The following CACNA1D variants were observed in gnomAD, a reference collection of about 807,000 sequenced individuals.
CACNA1D encodes calcium voltage-gated channel subunit alpha1 D, also known as voltage-dependent L-type calcium channel subunit alpha-1D.
In CACNA1D, 55 loss-of-function variants were observed where a neutral mutation model predicts 257.1. That is an observed-to-expected ratio of 0.21 (90% confidence interval 0.17 to 0.27). The LOEUF (loss-of-function observed/expected upper bound fraction) is 0.27. Among genes scored for constraint, CACNA1D ranks in the 10% least tolerant of loss-of-function variants. The pLI, the probability that CACNA1D is intolerant of heterozygous loss-of-function variation, is 1.00. For missense variants in CACNA1D, 1,876 were observed against 2,784.0 expected (o/e 0.67, Z 7.34); for synonymous variants, 980 against 1,014.9 (o/e 0.97, Z 0.65).
chr3:53,599,198 T>G (rs1381664859), intron 3 of CACNA1D, among the ~76,000 whole-genome samples: 1 of 152,246 alleles, frequency 6.6e-6, no homozygotes, highest in Non-Finnish European at 1.5e-5. Context: ...TAAAACATGT[T>G]AATTTTGAAA....
At chr3:53,646,810 G>A (rs2094025925) in intron 3 of CACNA1D, among the ~76,000 whole-genome samples, 1 of 152,190 alleles carries the variant, frequency 6.6e-6, no homozygotes, top group Non-Finnish European at 1.5e-5. Context: ...GCAGGTGCTC[G>A]GGGATAGATG....
intron 8 of CACNA1D, among the ~76,000 whole-genome samples, chr3:53,690,883 G>T (rs564529037): frequency 6.6e-6 from 1 of 152,244 alleles, no homozygotes; most frequent in Admixed American, 6.5e-5. Flanking sequence ...TGCGGTTGCT[G>T]GTGCCTTCAA....
chr3:53,712,213 T>A (rs2094765283), intron 9 of CACNA1D, among the ~76,000 whole-genome samples: 1 of 152,232 alleles, frequency 6.6e-6, no homozygotes, highest in Non-Finnish European at 1.5e-5. Context: ...CTTTCTGAGA[T>A]CTGCAGGGAG....
chr3:53,718,576 CCCCCCG>C (rs1371432648), intron 10 of CACNA1D, 188 bp downstream of exon 10: 3 of 650,706 alleles, frequency 4.6e-6, no homozygotes, highest in African/African-American at 3.9e-5. Context: ...CACCTCCCCA[CCCCCCG>C]CCCCCCCGCC....
Position 53,621,367 on chromosome 3 carries a change from A to G in CACNA1D, c.484-29412A>G, listed in dbSNP as rs1326757739. Among the ~76,000 whole-genome samples the G allele has an allele frequency of 2.0e-5, 3 of 147,214 alleles. 1 individual carries two copies. Among genetic ancestry groups the G allele is most frequent in the South Asian group, 4.2e-4 (2 of 4,780 alleles). On this transcript the variant is annotated intron_variant, in intron 3 of 47. Transcript: ENST00000350061. The stretch of plus-strand genomic sequence containing the variant: ...CTCCACAGAGCTAACCTGTGTGTCC[A>G]GAGCCAGCCCTGGCTGTTTTTCCAG...
At chr3:53,538,141 GTTTT>G (rs538996336) in intron 3 of CACNA1D, among the ~76,000 whole-genome samples, 22 of 90,466 alleles carry the variant, frequency 2.4e-4, no homozygotes, top group African/African-American at 1.1e-3. Flanking sequence ...AGTTTTTGAA[GTTTT>G]TTTTTTTTTT....
intron 3 of CACNA1D, among the ~76,000 whole-genome samples, chr3:53,545,421 A>G (rs1191580897): frequency 6.6e-6 from 1 of 152,198 alleles, no homozygotes; most frequent in African/African-American, 2.4e-5. Context: ...GTGGTGTGTA[A>G]AACGGATGTA....
Position 53,683,662 on chromosome 3 carries a change from T to C in CACNA1D, c.1220+10536T>C, listed in dbSNP as rs551410207. On this transcript the variant is annotated intron_variant, in intron 8 of 47. Coordinates refer to ENST00000350061, the MANE Select transcript of CACNA1D (RefSeq NM_001128840.3). The stretch of plus-strand genomic sequence containing the variant: ...TTGAAGTCACTACTATGAGCCTGTT[T>C]AAGGAACTGAAGGAAAAGATGGACA... 1.5e-4 allele frequency among the ~76,000 whole-genome samples: 23 copies of C among 152,294 alleles called. No individual in the cohort carries two copies. The East Asian group carries it at 4.3e-3, about 28-fold the overall frequency.
intron 3 of CACNA1D, among the ~76,000 whole-genome samples, chr3:53,547,486 G>A (rs1314509846): frequency 2.0e-5 from 3 of 152,204 alleles, no homozygotes; most frequent in African/African-American, 7.2e-5. Flanking sequence ...CTCATCTTGG[G>A]CTTTGTCTTA....
chr3:53,732,806 C>T lies in CACNA1D; in HGVS notation c.2474-9C>T, dbSNP rs1327423841. 2 of 1,610,990 alleles carry T rather than the reference C, an allele frequency of 1.2e-6. No homozygotes were observed. Among genetic ancestry groups the T allele is most frequent in the African/African-American group, 2.7e-5 (2 of 74,838 alleles). ...TTTCATGCCTATAAAAAAAGTATTT[C>T]ATTTAAAGTAGGGGAAGAGGAAGAG... On this transcript the variant is annotated splice_polypyrimidine_tract_variant and intron_variant, in intron 18 of 47. Coordinates refer to ENST00000350061, the MANE Select transcript of CACNA1D (RefSeq NM_001128840.3).
chr3:53,623,665 C>T (rs898042544), intron 3 of CACNA1D, among the ~76,000 whole-genome samples: 1 of 152,192 alleles, frequency 6.6e-6, no homozygotes, highest in African/African-American at 2.4e-5. Context: ...CCATTAAAAC[C>T]CACCACAGGA....
chr3:53,536,876 C>T (rs2092129618), intron 3 of CACNA1D, among the ~76,000 whole-genome samples: 2 of 152,166 alleles, frequency 1.3e-5, no homozygotes, highest in Admixed American at 1.3e-4. Flanking sequence ...AATCTTTGGT[C>T]TAGATGGTGA....
At chr3:53,718,495 G>A (rs1456949761) in intron 10 of CACNA1D, 107 bp downstream of exon 10, 3 of 1,126,240 alleles carry the variant, frequency 2.7e-6, no homozygotes, top group Non-Finnish European at 4.0e-6. Flanking sequence ...ATCGCCTTGG[G>A]TGTGGCGGGT....
chr3:53,684,156 T>A (rs2094454830), intron 8 of CACNA1D, among the ~76,000 whole-genome samples: 1 of 152,114 alleles, frequency 6.6e-6, no homozygotes, highest in Non-Finnish European at 1.5e-5. Flanking sequence ...GGAAAAACGA[T>A]TCTGTATGAA....
At chr3:53,742,036 G>A (rs983535063) in intron 21 of CACNA1D, among the ~76,000 whole-genome samples, 1 of 152,144 alleles carries the variant, frequency 6.6e-6, no homozygotes, top group African/African-American at 2.4e-5. Flanking sequence ...AAACAAGAAG[G>A]ATTCAGAAAA....
rs139400104 is a variant in CACNA1D at position 53,498,190 on chromosome 3, T to C, written c.377+729T>C. Among the ~76,000 whole-genome samples the C allele has an allele frequency of 3.7e-3, 563 of 152,318 alleles. 1 individual carries two copies. The highest frequency in any genetic ancestry group is 0.012 in the African/African-American group (515 of 41,578). On this transcript the variant is annotated intron_variant, in intron 2 of 47. Transcript: ENST00000350061. ...CTTCCTCCTGGGCCCTTATGAGTTA[T>C]AGAACAGCCTTTTCAGTGGAGGAAT...
chr3:53,757,808 G>A (rs2095274920), intron 29 of CACNA1D, among the ~76,000 whole-genome samples: 1 of 152,182 alleles, frequency 6.6e-6, no homozygotes, highest in Non-Finnish European at 1.5e-5. Context: ...TATCCTTGAA[G>A]GCCTGTGGGA....
In CACNA1D at chr3:53,509,110, T is replaced by A. The variant is rs552544744; in HGVS notation, c.483+7390T>A. ...GGTGGAGGCGGGGGCCTTCCTTTTTTAATTCAGGTGAGATTGGTATTCTCC... is the reference window on the plus strand; with the variant it reads ...GGTGGAGGCGGGGGCCTTCCTTTTTAAATTCAGGTGAGATTGGTATTCTCC... On this transcript the variant is annotated intron_variant, in intron 3 of 47. Transcript: ENST00000350061. Among the ~76,000 whole-genome samples, 6 of 152,288 alleles carry A rather than the reference T, an allele frequency of 3.9e-5. No individual in the cohort carries two copies. The East Asian group carries it at 1.2e-3, about 29-fold the overall frequency.
At chr3:53,504,510 T>TA (rs1559760296) in intron 3 of CACNA1D, among the ~76,000 whole-genome samples, 1 of 152,142 alleles carries the variant, frequency 6.6e-6, no homozygotes, top group East Asian at 1.9e-4. Context: ...TTTATTTTTT[T>TA]AAAAATATAA....
Sources: gnomAD v4.1 joint callset for allele counts (sites outside exome capture counted in the v4.1 genomes callset) on GRCh38, gnomAD v4.1.1 for gene constraint, MANE v1.5 for transcripts, NCBI Gene and HGNC (gene_info 2026-07-23, HGNC 2026-07-21) for gene names.